Variants in LRTM1 observed in about 807,000 individuals in gnomAD.
LRTM1 encodes the protein leucine-rich repeat and transmembrane domain-containing protein 1.
Under a neutral mutation model 32.4 loss-of-function variants are expected in LRTM1, and 38 were observed. The observed-to-expected ratio is 1.17, with a 90% CI of 0.91 to 1.54. The LOEUF (loss-of-function observed/expected upper bound fraction) is 1.54, where lower values mean the gene tolerates loss of function less well. Ranked by LOEUF, LRTM1 falls within the 40% of genes most tolerant of loss-of-function variation. LRTM1 has a pLI of 0.00. For missense variants in LRTM1, 466 were observed against 415.4 expected, an observed-to-expected ratio of 1.12 and a Z score of -1.06; for synonymous variants, 186 against 169.9, an observed-to-expected ratio of 1.09 and a Z score of -0.74.
At chr3:54,954,016 A>G (rs968197306) in intron 1 of LRTM1, among the ~76,000 whole-genome samples, 5 of 152,176 alleles carry the variant, frequency 3.3e-5, no homozygotes, top group African/African-American at 7.2e-5. Flanking sequence ...TTTGAATTCA[A>G]CCTAATTTCC....
chr3:54,924,846 T>C lies in LRTM1; in HGVS notation c.377A>G (p.Glu126Gly). ...TATGTTGTTTGATGACAAATCAAGCTCCCTCAGCTGAGGGAGGGAATGGAA... is the reference window on the plus strand; with the variant it reads ...TATGTTGTTTGATGACAAATCAAGCCCCCTCAGCTGAGGGAGGGAATGGAA... ...RLFHSLPQLR[E>G]LDLSSNNISH... is the part of the protein sequence containing the mutation. The change falls in exon 2 of 3, where the codon GAG (glutamate) becomes GGG (glycine). Residue 126 changes from glutamate to glycine, a missense_variant. Glu to Gly is a moderately conservative substitution (Grantham distance 98). Coordinates refer to ENST00000273286, the MANE Select transcript of LRTM1 (RefSeq NM_020678.4). 4 of 1,613,764 alleles carry C rather than the reference T, an allele frequency of 2.5e-6. No homozygotes were observed. The South Asian group carries it at 4.4e-5, about 18-fold the overall frequency.
chr3:54,954,804 G>C (rs1367260043), intron 1 of LRTM1, among the ~76,000 whole-genome samples: 1 of 152,170 alleles, frequency 6.6e-6, no homozygotes, highest in African/African-American at 2.4e-5. Context: ...TTTAGCTGAG[G>C]GAACAGAGAA....
intron 1 of LRTM1, among the ~76,000 whole-genome samples, chr3:54,962,334 A>G (rs1702049781): frequency 1.3e-5 from 2 of 152,022 alleles, no homozygotes; most frequent in Non-Finnish European, 1.5e-5. Context: ...CTGATATAAC[A>G]CTCTAAGGAA....
intron 1 of LRTM1, among the ~76,000 whole-genome samples, chr3:54,949,809 G>C (rs1217143164): frequency 2.0e-5 from 3 of 152,040 alleles, no homozygotes; most frequent in Non-Finnish European, 4.4e-5. Flanking sequence ...GACTTTTTTT[G>C]CCTGTGATTC....
upstream of LRTM1, among the ~76,000 whole-genome samples, chr3:54,929,838 C>T (rs976387356): frequency 5.3e-5 from 8 of 152,014 alleles, no homozygotes; most frequent in African/African-American, 9.7e-5. Context: ...CATACATAAC[C>T]ATCAATGGCC....
At chr3:54,948,675 A>C (rs952427866) in intron 1 of LRTM1, among the ~76,000 whole-genome samples, 1 of 152,210 alleles carries the variant, frequency 6.6e-6, no homozygotes, top group Non-Finnish European at 1.5e-5. Context: ...GAAGGGCACC[A>C]TTCATGCCAC....
rs372879884 is a variant in LRTM1 at position 54,925,036 on chromosome 3, G to A, written c.187C>T (p.His63Tyr). 1 of 1,614,006 alleles carries A rather than the reference G, an allele frequency of 6.2e-7. No individual in the cohort carries two copies. Among genetic ancestry groups the A allele is most frequent in the African/African-American group, 1.3e-5 (1 of 74,918 alleles). ...RTLHLQDNQI[H>Y]HLPAFAFRSV... ...CTAAATGCAAAAGCAGGAAGATGGT[G>A]TATCTGATTATCTTGTAAATGCAGC... Residue 63 changes from histidine to tyrosine, a missense_variant, in exon 2 of 3, where the codon CAC becomes TAC. Transcript: ENST00000273286.
intron 1 of LRTM1, among the ~76,000 whole-genome samples, chr3:54,935,656 C>G (rs530501657): frequency 8.5e-5 from 13 of 152,172 alleles, no homozygotes; most frequent in Middle Eastern, 3.4e-3. Flanking sequence ...TTTTGCAGTT[C>G]TTGTTGTTGG....
At chr3:54,920,316 G>C (rs907266881) in intron 2 of LRTM1, among the ~76,000 whole-genome samples, 3 of 152,148 alleles carry the variant, frequency 2.0e-5, no homozygotes, top group Non-Finnish European at 4.4e-5. Context: ...GCAGTGCAAG[G>C]ATTATCAGGT....
intron 1 of LRTM1, among the ~76,000 whole-genome samples, chr3:54,945,533 G>A (rs1381109373): frequency 6.6e-6 from 1 of 152,180 alleles, no homozygotes; most frequent in African/African-American, 2.4e-5. Context: ...ACTTTGAGGA[G>A]GCCTGGACTT....
At chr3:54,960,952 C>T (rs1702017008) in intron 1 of LRTM1, among the ~76,000 whole-genome samples, 1 of 152,168 alleles carries the variant, frequency 6.6e-6, no homozygotes, top group African/African-American at 2.4e-5. Flanking sequence ...GAGTTATTTT[C>T]CTTGATGCTC....
intron 2 of LRTM1, among the ~76,000 whole-genome samples, chr3:54,919,936 C>A (rs940066483): frequency 6.6e-6 from 1 of 152,168 alleles, no homozygotes; most frequent in Non-Finnish European, 1.5e-5. Flanking sequence ...CTCTCAGGAG[C>A]GTTGTGAGGT....
chr3:54,927,480 T>A (rs1029248557), intron 1 of LRTM1, among the ~76,000 whole-genome samples: 5 of 152,226 alleles, frequency 3.3e-5, no homozygotes, highest in Non-Finnish European at 7.3e-5. Context: ...GCTCAAGCAT[T>A]AATTAGTTGC....
chr3:54,937,825 G>T (rs1018633180), intron 1 of LRTM1, among the ~76,000 whole-genome samples: 3 of 152,130 alleles, frequency 2.0e-5, no homozygotes, highest in African/African-American at 7.2e-5. Flanking sequence ...AGGCGGGCAT[G>T]ATCACAGCAC....
At chr3:54,944,946 G>C (rs1701575724) in intron 1 of LRTM1, among the ~76,000 whole-genome samples, 1 of 152,102 alleles carries the variant, frequency 6.6e-6, no homozygotes, top group Non-Finnish European at 1.5e-5. Context: ...TCACTTTTAA[G>C]AGTGAGGCAC....
chr3:54,960,731 G>A (rs1025155063), intron 1 of LRTM1, among the ~76,000 whole-genome samples: 7 of 152,158 alleles, frequency 4.6e-5, no homozygotes, highest in Admixed American at 4.6e-4. Context: ...TCTGTTCTCA[G>A]TTTTGCCCAA....
intron 1 of LRTM1, among the ~76,000 whole-genome samples, chr3:54,949,100 C>A (rs2107009655): frequency 6.6e-6 from 1 of 152,298 alleles, no homozygotes; most frequent in African/African-American, 2.4e-5. Flanking sequence ...TTCATCTGAG[C>A]AGATTGGCAA....
At chr3:54,951,124 A>G (rs1701746244) in intron 1 of LRTM1, among the ~76,000 whole-genome samples, 1 of 151,972 alleles carries the variant, frequency 6.6e-6, no homozygotes, top group East Asian at 1.9e-4. Context: ...GAACTAGTTG[A>G]GAGTTGTTTA....
rs149585037 is a variant in LRTM1, at chr3:54,941,436, T to C, written c.-221-16221A>G. On this transcript the variant is annotated intron_variant, in intron 1 of 2. Coordinates refer to the LRTM1 transcript ENST00000493075. ...ACGGACGCTATTTTCAAACTACTTATTGGCCCAGGGATGGGGCTTTAAGAC... is the reference window on the plus strand; with the variant it reads ...ACGGACGCTATTTTCAAACTACTTACTGGCCCAGGGATGGGGCTTTAAGAC... 5.5e-3 allele frequency among the ~76,000 whole-genome samples: 834 copies of C among 152,318 alleles called. 24 individuals carry two copies. The highest frequency in any genetic ancestry group is 2.1e-3 in the Non-Finnish European group (143 of 68,024).
Sources: gnomAD v4.1 joint callset for allele counts (sites outside exome capture counted in the v4.1 genomes callset) on GRCh38, gnomAD v4.1.1 for gene constraint, MANE v1.5 for transcripts, NCBI Gene and HGNC (gene_info 2026-07-23, HGNC 2026-07-21) for gene names.